FBRSL1: variants seen among roughly 807,000 people sequenced by gnomAD.
FBRSL1 encodes the protein fibrosin like 1.
Under a neutral mutation model 89.6 loss-of-function variants are expected in FBRSL1, and 51 were observed. That is an observed-to-expected ratio of 0.57 (90% CI 0.45 to 0.72). The LOEUF (loss-of-function observed/expected upper bound fraction) is 0.72, where lower values mean the gene tolerates loss of function less well. Ranked by LOEUF, FBRSL1 falls within the 30% of genes least tolerant of loss-of-function variation. FBRSL1 has a pLI of 0.00. For missense variants in FBRSL1, 1,618 were observed against 1,451.8 expected (o/e 1.11, Z -1.86); for synonymous variants, 779 against 681.1 (o/e 1.14, Z -2.24).
At chr12:132,536,248 A>G (rs948881126) in intron 4 of FBRSL1, among the ~76,000 whole-genome samples, 5 of 150,282 alleles carry the variant, frequency 3.3e-5, no homozygotes, top group Non-Finnish European at 7.4e-5. Flanking sequence ...GCACATGTAC[A>G]TGACCTCGTG....
At chr12:132,569,329 G>A (rs1381885550) in intron 6 of FBRSL1, among the ~76,000 whole-genome samples, 1 of 151,488 alleles carries the variant, frequency 6.6e-6, no homozygotes, top group Non-Finnish European at 1.5e-5. Context: ...GTGACGGGCA[G>A]TCACAGTAGG....
At chr12:132,561,584 C>A (rs1377932596) in intron 5 of FBRSL1, among the ~76,000 whole-genome samples, 1 of 152,056 alleles carries the variant, frequency 6.6e-6, no homozygotes, top group African/African-American at 2.4e-5. Flanking sequence ...ACCTGGGAGG[C>A]CTCAGCACCC....
At chr12:132,530,610 TC>T (rs886984299) in intron 4 of FBRSL1, among the ~76,000 whole-genome samples, 7 of 151,720 alleles carry the variant, frequency 4.6e-5, no homozygotes, top group Admixed American at 4.6e-4. Context: ...TCAAGTCTTC[TC>T]CCCAGAGCAC....
At chr12:132,580,389 A>G (rs1212975328) in intron 15 of FBRSL1, among the ~76,000 whole-genome samples, 1 of 152,036 alleles carries the variant, frequency 6.6e-6, no homozygotes, top group African/African-American at 2.4e-5. Context: ...CGCCCGGCCA[A>G]TTTCACCAGT....
intron 15 of FBRSL1, chr12:132,580,983 T>G: frequency 2.0e-6 from 2 of 985,484 alleles, no homozygotes; most frequent in Non-Finnish European, 2.4e-6. Flanking sequence ...CACAAGGGGC[T>G]GCCATGTGCA....
intron 2 of FBRSL1, chr12:132,511,806 A>C: frequency 1.0e-6 from 1 of 985,176 alleles, no homozygotes; most frequent in Non-Finnish European, 1.2e-6. Context: ...CTGGTGCAGC[A>C]TCTGCTTTGG....
chr12:132,562,916 G>T (rs995961632), intron 5 of FBRSL1, among the ~76,000 whole-genome samples: 3 of 152,068 alleles, frequency 2.0e-5, no homozygotes, highest in African/African-American at 7.3e-5. Flanking sequence ...TTCTATGTTT[G>T]CGATCTGTCT....
chr12:132,535,025 G>T (rs1352476689), intron 4 of FBRSL1, among the ~76,000 whole-genome samples: 1 of 152,258 alleles, frequency 6.6e-6, no homozygotes, highest in Admixed American at 6.5e-5. Context: ...GGCAGTGAAG[G>T]TGGCGGCGCA....
In FBRSL1 at chr12:132,584,850, A is replaced by G. The variant is rs2041024169; in HGVS notation, c.*1072A>G. On this transcript the variant is annotated 3_prime_UTR_variant, in exon 19 of 19. Transcript: ENST00000680143. ...CACACACACACACACACACACACAC[A>G]CAAAATCACTGCTGTGTGTTTTCTT... The G allele has an allele frequency of 6.6e-6, 1 of 152,338 alleles. No individual in the cohort carries two copies. Among genetic ancestry groups the G allele is most frequent in the African/African-American group, 2.4e-5 (1 of 41,336 alleles). The allele number at this position is 152,338 out of a possible 1,614,324, so 9.4% of individuals were successfully genotyped here. A position where few individuals can be genotyped will look rare whatever the true frequency, so the allele number is the denominator to read the frequency against.
intron 2 of FBRSL1, among the ~76,000 whole-genome samples, chr12:132,514,808 T>G (rs12315756): frequency 1.1e-4 from 16 of 152,312 alleles, no homozygotes; most frequent in South Asian, 2.1e-4. Context: ...GAGCCACATA[T>G]AGAGTTAAGA....
chr12:132,577,242 C>T (rs117370557), intron 15 of FBRSL1, among the ~76,000 whole-genome samples: 4,592 of 152,238 alleles, frequency 0.03, 103 homozygotes, highest in Non-Finnish European at 0.046. Flanking sequence ...TCAGCCCACG[C>T]CACACGGCTC....
Position 132,582,206 on chromosome 12 carries a change from G to C in FBRSL1, c.2141G>C (p.Arg714Pro). 1.9e-6 allele frequency: 3 copies of C among 1,550,186 alleles called. No homozygotes were observed. The highest frequency in any genetic ancestry group is 1.2e-5 in the South Asian group (1 of 84,060). ...TGGCCCAAGTCCGTGGACGCGGAGCGGGTGTCAGCCCTGACCAACCATGAC... is the reference window on the plus strand; with the variant it reads ...TGGCCCAAGTCCGTGGACGCGGAGCCGGTGTCAGCCCTGACCAACCATGAC... ...PPWPKSVDAE[R>P]VSALTNHDRE... Residue 714 changes from arginine to proline, a missense_variant, in exon 18 of 19, where the codon CGG (arginine) becomes CCG (proline). Transcript: ENST00000680143.
At chr12:132,581,306 C>T in intron 15 of FBRSL1, 133 bp from the exon 16 acceptor site, 2 of 1,524,412 alleles carry the variant, frequency 1.3e-6, no homozygotes, top group Non-Finnish European at 1.8e-6. Context: ...CACGCTTCAC[C>T]CCTCAGGGCA....
At chr12:132,509,401 G>A (rs928078045) in intron 2 of FBRSL1, 25 of 1,241,810 alleles carry the variant, frequency 2.0e-5, no homozygotes, top group Middle Eastern at 3.1e-4. Flanking sequence ...TGCCAGCCCC[G>A]GCGGTCACTT....
At chr12:132,531,627 T>A (rs1051611561) in intron 4 of FBRSL1, among the ~76,000 whole-genome samples, 1 of 152,208 alleles carries the variant, frequency 6.6e-6, no homozygotes, top group South Asian at 2.1e-4. Context: ...GGCATTGTGT[T>A]GTGCACATGG....
chr12:132,573,354 C>T (rs912660381), intron 11 of FBRSL1, among the ~76,000 whole-genome samples: 3 of 152,192 alleles, frequency 2.0e-5, no homozygotes, highest in African/African-American at 4.8e-5. Context: ...TGGGGCACCG[C>T]CCACATCGTG....
intron 4 of FBRSL1, among the ~76,000 whole-genome samples, chr12:132,535,662 C>G (rs939868780): frequency 6.6e-6 from 1 of 152,276 alleles, no homozygotes; most frequent in African/African-American, 2.4e-5. Context: ...ACACTAGGCC[C>G]AGCGGGTGCA....
intron 2 of FBRSL1, among the ~76,000 whole-genome samples, chr12:132,522,485 G>C (rs1293636572): frequency 6.6e-6 from 1 of 152,216 alleles, no homozygotes; most frequent in Admixed American, 6.5e-5. Flanking sequence ...CCAGCGGCTG[G>C]TCTGCGGCTG....
chr12:132,514,865 T>C (rs530438941), intron 2 of FBRSL1, among the ~76,000 whole-genome samples: 16 of 152,362 alleles, frequency 1.1e-4, no homozygotes, highest in Admixed American at 4.6e-4. Context: ...TTTCACTCCA[T>C]GTACTTTGAA....
Sources: allele counts gnomAD v4.1 joint callset (sites outside exome capture counted in the v4.1 genomes callset), GRCh38; gene constraint gnomAD v4.1.1; transcripts MANE v1.5; gene names NCBI Gene and HGNC (gene_info 2026-07-23, HGNC 2026-07-21).